Variants in KCNK1 observed in about 807,000 individuals in gnomAD.
KCNK1 encodes the protein potassium channel subfamily K member 1.
In KCNK1, 10 loss-of-function variants were observed where a neutral mutation model predicts 22.2. The ratio of observed to expected loss-of-function variants is 0.45; its 90% CI spans 0.28 to 0.76. The LOEUF (loss-of-function observed/expected upper bound fraction) is 0.76. Among genes scored for constraint, KCNK1 ranks in the 30% least tolerant of loss-of-function variants. The pLI is 0.14. For missense variants in KCNK1, 378 were observed against 421.0 expected, an observed-to-expected ratio of 0.90 and a Z score of 0.89; for synonymous variants, 200 against 186.4, an observed-to-expected ratio of 1.07 and a Z score of -0.60.
rs539453836 is a variant in KCNK1 at position 233,656,051 on chromosome 1, C to T, written c.356-10544C>T. Among the ~76,000 whole-genome samples the T allele has an allele frequency of 8.5e-5, 13 of 152,252 alleles. 1 individual carries two copies. In the East Asian group the frequency reaches 2.3e-3, roughly 27 times the overall value. On this transcript the variant is annotated intron_variant, in intron 1 of 2. Transcript: ENST00000366621. ...CCCTAGGAAAGGATGCTGAAGGAAA[C>T]GACAGTTTTGTGAGACCATCAGTAA...
At chr1:233,664,387 T>C (rs1298054217) in intron 1 of KCNK1, among the ~76,000 whole-genome samples, 2 of 152,168 alleles carry the variant, frequency 1.3e-5, no homozygotes, top group African/African-American at 4.8e-5. Flanking sequence ...CCATCCTTCA[T>C]GTTATTCTCA....
intron 1 of KCNK1, among the ~76,000 whole-genome samples, chr1:233,624,754 C>T (rs1289892282): frequency 1.3e-5 from 2 of 152,078 alleles, no homozygotes; most frequent in South Asian, 2.1e-4. Flanking sequence ...ATCTGGGGGG[C>T]CTCATGTGTA....
At chr1:233,647,583 C>T (rs1320659593) in intron 1 of KCNK1, among the ~76,000 whole-genome samples, 1 of 152,110 alleles carries the variant, frequency 6.6e-6, no homozygotes, top group Non-Finnish European at 1.5e-5. Context: ...CTTAGGGCCT[C>T]ACGATGCTCA....
chr1:233,666,265 A>G (rs1658487062), intron 1 of KCNK1, among the ~76,000 whole-genome samples: 1 of 152,140 alleles, frequency 6.6e-6, no homozygotes, highest in South Asian at 2.1e-4. Flanking sequence ...GTTTTTCCTG[A>G]TGGTCTAAGA....
intron 1 of KCNK1, among the ~76,000 whole-genome samples, chr1:233,618,111 G>A (rs1230937425): frequency 6.6e-6 from 1 of 152,150 alleles, no homozygotes; most frequent in East Asian, 1.9e-4. Context: ...CAAAGGAAGG[G>A]CAGAGCTTCA....
chr1:233,628,035 T>C lies in KCNK1; in HGVS notation c.355+13509T>C, dbSNP rs552988798. ...CTTGTGTTAGTCATCTCTACCCAGA[T>C]GTCTGGGCTGTGTCTCATTGACCCA... On this transcript the variant is annotated intron_variant, in intron 1 of 2. Coordinates refer to ENST00000366621, the MANE Select transcript of KCNK1 (RefSeq NM_002245.4). 3.3e-5 allele frequency among the ~76,000 whole-genome samples: 5 copies of C among 152,362 alleles called. No homozygotes were observed. The South Asian group carries it at 1.0e-3, about 32-fold the overall frequency.
chr1:233,666,791 C>G lies in KCNK1; in HGVS notation c.552C>G (p.Ala184=), dbSNP rs777637540. ...FSKQVVAIVH[A]VLLGFVTVSC... ...AGCAGGTGGTGGCCATCGTCCATGC[C>G]GTGCTCCTTGGGTTTGTCACTGTGT... The change falls in exon 2 of 3, where the codon GCC becomes GCG. Residue 184 remains alanine (A), a synonymous_variant. Coordinates refer to ENST00000366621, the MANE Select transcript of KCNK1 (RefSeq NM_002245.4). 6.2e-7 allele frequency: 1 copy of G among 1,614,052 alleles called. No individual in the cohort carries two copies. The highest frequency in any genetic ancestry group is 2.2e-5 in the East Asian group (1 of 44,878).
intron 1 of KCNK1, chr1:233,631,188 G>C: frequency 4.1e-6 from 2 of 483,450 alleles, no homozygotes; most frequent in South Asian, 3.1e-5. Context: ...TTATACCTAC[G>C]TGGTAACTGC....
At chr1:233,622,207 A>G (rs1657600569) in intron 1 of KCNK1, among the ~76,000 whole-genome samples, 1 of 152,150 alleles carries the variant, frequency 6.6e-6, no homozygotes, top group Admixed American at 6.5e-5. Context: ...AATTGTTTTG[A>G]CCCATAAAAA....
At chr1:233,641,056 T>C (rs1657991537) in intron 1 of KCNK1, among the ~76,000 whole-genome samples, 1 of 152,182 alleles carries the variant, frequency 6.6e-6, no homozygotes, top group East Asian at 1.9e-4. Flanking sequence ...TCGGTCTAAA[T>C]TGGCATCTCT....
chr1:233,623,234 T>C (rs1279780843), intron 1 of KCNK1, among the ~76,000 whole-genome samples: 1 of 148,614 alleles, frequency 6.7e-6, no homozygotes, highest in African/African-American at 2.5e-5. Flanking sequence ...AAAAAAAAGG[T>C]TGGCTTTATA....
chr1:233,625,918 G>A (rs1490409794), intron 1 of KCNK1, among the ~76,000 whole-genome samples: 1 of 152,116 alleles, frequency 6.6e-6, no homozygotes, highest in East Asian at 1.9e-4. Flanking sequence ...AAGAAGGGGA[G>A]GGAGCAGATG....
At chr1:233,631,423 A>G (rs554504145) in intron 1 of KCNK1, 122 of 412,140 alleles carry the variant, frequency 3.0e-4, no homozygotes, top group Non-Finnish European at 5.4e-4. Flanking sequence ...CTCAACGGTT[A>G]TCAGCTCAAA....
intron 1 of KCNK1, among the ~76,000 whole-genome samples, chr1:233,648,241 G>T (rs897787923): frequency 6.6e-6 from 1 of 152,128 alleles, no homozygotes; most frequent in African/African-American, 2.4e-5. Context: ...TTCCTACTGA[G>T]GTTGTCCAAA....
intron 1 of KCNK1, among the ~76,000 whole-genome samples, chr1:233,654,538 A>G (rs1414738403): frequency 6.6e-6 from 1 of 152,118 alleles, no homozygotes; most frequent in Non-Finnish European, 1.5e-5. Context: ...GTGAAAAGAG[A>G]GAAAAGATTT....
At chr1:233,625,224 C>T (rs1334864202) in intron 1 of KCNK1, among the ~76,000 whole-genome samples, 1 of 152,146 alleles carries the variant, frequency 6.6e-6, no homozygotes, top group Non-Finnish European at 1.5e-5. Context: ...CGGGGAAGCC[C>T]AGCAAGGCCT....
chr1:233,672,162 ATTTCTCTT>A lies in KCNK1; in HGVS notation c.*634_*641del, dbSNP rs1338574656. On this transcript the variant is annotated 3_prime_UTR_variant, in exon 3 of 3. Coordinates refer to ENST00000366621, the MANE Select transcript of KCNK1 (RefSeq NM_002245.4). ...GACTATAGATATTTTGTTTCTTTTG[ATTTCTCTT>A]TATACTAAAGAATCCAGAGTTGCTA... 3.9e-5 allele frequency: 6 copies of A among 152,572 alleles called. No individual in the cohort carries two copies. The highest frequency in any genetic ancestry group is 5.9e-5 in the Non-Finnish European group (4 of 68,060). 9.5% of individuals were successfully genotyped at this position (152,572 alleles called of 1,614,324 possible).
intron 1 of KCNK1, chr1:233,660,732 A>G (rs909390955): frequency 6.6e-6 from 1 of 152,150 alleles, no homozygotes; most frequent in African/African-American, 2.4e-5. Context: ...CTCTCATTTC[A>G]GTCTCACTAT....
intron 1 of KCNK1, among the ~76,000 whole-genome samples, chr1:233,628,011 T>C (rs1206861579): frequency 6.6e-6 from 1 of 152,250 alleles, no homozygotes; most frequent in East Asian, 1.9e-4. Flanking sequence ...GTGCGTTGAC[T>C]TGTGTTAGTC....
Sources: gnomAD v4.1 joint callset for allele counts (sites outside exome capture counted in the v4.1 genomes callset) on GRCh38, gnomAD v4.1.1 for gene constraint, MANE v1.5 for transcripts, NCBI Gene and HGNC (gene_info 2026-07-23, HGNC 2026-07-21) for gene names.